Variants in MORC2 observed in about 807,000 individuals in gnomAD.
MORC2 encodes ATPase MORC2.
MORC2 carries 30 observed loss-of-function variants against 136.0 expected under a neutral mutation model. The ratio of observed to expected loss-of-function variants is 0.22; its 90% CI spans 0.17 to 0.30. The LOEUF (loss-of-function observed/expected upper bound fraction) is 0.30, where lower values mean the gene tolerates loss of function less well. Ranked by LOEUF, MORC2 falls within the 10% of genes least tolerant of loss-of-function variation. MORC2 has a pLI of 1.00. For missense variants in MORC2, 922 were observed against 1,333.1 expected, an observed-to-expected ratio of 0.69 and a Z score of 4.80; for synonymous variants, 439 against 487.0, an observed-to-expected ratio of 0.90 and a Z score of 1.30.
intron 17 of MORC2, 75 bp from the exon 18 acceptor site, chr22:30,935,397 G>C (rs1249019192): frequency 7.0e-7 from 1 of 1,429,188 alleles, no homozygotes; most frequent in Non-Finnish European, 9.7e-7. Context: ...ATAGTGTCTG[G>C]AACCAGGGAC....
intron 3 of MORC2, among the ~76,000 whole-genome samples, chr22:30,954,522 CT>C (rs1317577211): frequency 6.6e-6 from 1 of 152,138 alleles, no homozygotes; most frequent in African/African-American, 2.4e-5. Flanking sequence ...CATTAATTGT[CT>C]CTCCAATTAA....
Position 30,950,435 on chromosome 22 carries a change from C to T in MORC2, c.168G>A (p.Glu56=). The change falls in exon 4 of 26, where the codon GAG becomes GAA. Residue 56 remains glutamate, a synonymous_variant. Coordinates refer to ENST00000397641, the MANE Select transcript of MORC2 (RefSeq NM_001303256.3). Reference sequence around the variant, plus strand: ...AAAGCATAAATCCTCCTCGAAGGTCCTCTCGTCTTTCTGTAAAAGAAGCAG... The same window carrying T: ...AAAGCATAAATCCTCCTCGAAGGTCTTCTCGTCTTTCTGTAAAAGAAGCAG... ...TRIDIYAERR[E]DLRGGFMLCF... The T allele has an allele frequency of 6.2e-7, 1 of 1,608,776 alleles. No homozygotes were observed. The highest frequency in any genetic ancestry group is 8.5e-7 in the Non-Finnish European group (1 of 1,178,008).
chr22:30,962,954 G>A (rs962735775), intron 1 of MORC2, among the ~76,000 whole-genome samples: 3 of 151,978 alleles, frequency 2.0e-5, no homozygotes, highest in African/African-American at 7.3e-5. Flanking sequence ...TAGCATTTGG[G>A]ATAGAGTAAA....
In MORC2 at chr22:30,968,204, T is replaced by C; in HGVS notation, c.-315A>G. 1 of 288,928 alleles carries C rather than the reference T, an allele frequency of 3.5e-6. No individual in the cohort carries two copies. The highest frequency in any genetic ancestry group is 6.7e-6 in the Non-Finnish European group (1 of 149,892). The allele number at this position is 288,928 out of a possible 1,614,324, so 17.9% of individuals were successfully genotyped here. A position where few individuals can be genotyped will look rare whatever the true frequency, so the allele number is the denominator to read the frequency against. On this transcript the variant is annotated 5_prime_UTR_variant, in exon 1 of 26. Coordinates refer to ENST00000397641, the MANE Select transcript of MORC2 (RefSeq NM_001303256.3). ...CAATTCAGACAATCTGAGTCTCGTGTGGATGGTCCTGAAGGAGATGGTCCT... is the reference window on the plus strand; with the variant it reads ...CAATTCAGACAATCTGAGTCTCGTGCGGATGGTCCTGAAGGAGATGGTCCT...
At chr22:30,933,064 C>G in intron 21 of MORC2, 34 bp from the exon 22 acceptor site, 5 of 1,611,644 alleles carry the variant, frequency 3.1e-6, no homozygotes, top group Non-Finnish European at 4.2e-6. Context: ...AGTCAGAAAA[C>G]TAGCGTAGAG....
At chr22:30,961,338 G>A (rs1186951358) in intron 1 of MORC2, among the ~76,000 whole-genome samples, 3 of 152,170 alleles carry the variant, frequency 2.0e-5, no homozygotes, top group Non-Finnish European at 4.4e-5. Flanking sequence ...TAACTAGGGA[G>A]AAATAAGCTT....
chr22:30,950,655 C>T (rs1489002151), intron 3 of MORC2, among the ~76,000 whole-genome samples: 1 of 152,184 alleles, frequency 6.6e-6, no homozygotes, highest in Non-Finnish European at 1.5e-5. Context: ...CATGACAAAG[C>T]TTGGGAGAAC....
chr22:30,962,389 C>G (rs2041060189), intron 1 of MORC2, among the ~76,000 whole-genome samples: 1 of 151,678 alleles, frequency 6.6e-6, no homozygotes, highest in South Asian at 2.1e-4. Context: ...ACGGCAAAAC[C>G]CCCATCTCTA....
At chr22:30,943,125 A>G (rs953759331) in intron 6 of MORC2, among the ~76,000 whole-genome samples, 4 of 152,228 alleles carry the variant, frequency 2.6e-5, no homozygotes, top group Non-Finnish European at 5.9e-5. Flanking sequence ...ATCAACATGG[A>G]TGAACAACAT....
At chr22:30,962,474 A>G (rs1246961684) in intron 1 of MORC2, among the ~76,000 whole-genome samples, 1 of 151,832 alleles carries the variant, frequency 6.6e-6, no homozygotes, top group Non-Finnish European at 1.5e-5. Flanking sequence ...GTACACCTGT[A>G]GTTCCAGCTA....
In MORC2 at chr22:30,941,175, A is replaced by G. The variant is rs903204576; in HGVS notation, c.824+258T>C. Reference sequence around the variant, plus strand: ...TAAAGCCAAGAGACTCAGACAGCTCACTGAGCCAGGCAGGGCACCCTCCCT... The same window carrying G: ...TAAAGCCAAGAGACTCAGACAGCTCGCTGAGCCAGGCAGGGCACCCTCCCT... On this transcript the variant is annotated intron_variant, in intron 9 of 25. Transcript: ENST00000397641. The surrounding 1 kb of genome is among the most constrained non-coding windows in gnomAD (Gnocchi z 4.6). Among the ~76,000 whole-genome samples, 4 of 152,130 alleles carry G rather than the reference A, an allele frequency of 2.6e-5. No homozygotes were observed. The highest frequency in any genetic ancestry group is 4.4e-5 in the Non-Finnish European group (3 of 68,018).
chr22:30,954,478 A>C (rs1445840592), intron 3 of MORC2, among the ~76,000 whole-genome samples: 1 of 152,130 alleles, frequency 6.6e-6, no homozygotes, highest in East Asian at 1.9e-4. Context: ...TGTTCCCTCA[A>C]GATCTAGTTA....
At chr22:30,967,752 G>A (rs2041150694) in intron 1 of MORC2, 70 bp downstream of exon 1, 2 of 1,543,194 alleles carry the variant, frequency 1.3e-6, no homozygotes, top group Non-Finnish European at 8.8e-7. Context: ...AATTTTCTGG[G>A]GAAACGATTT....
chr22:30,956,847 C>T, intron 2 of MORC2, 50 bp from the exon 3 acceptor site: 1 of 1,369,150 alleles, frequency 7.3e-7, no homozygotes, highest in South Asian at 1.3e-5. Flanking sequence ...AAATATCAAC[C>T]ATCAAAATGC....
At position 30,934,008 on chromosome 22, in the gene MORC2, G is replaced by T. The variant is rs1348525840; in HGVS notation, c.2325+52C>A. The T allele has an allele frequency of 1.2e-5, 20 of 1,608,554 alleles. No homozygotes were observed. Among genetic ancestry groups the T allele is most frequent in the Non-Finnish European group, 1.6e-5 (19 of 1,176,894 alleles). On this transcript the variant is annotated intron_variant, in intron 20 of 25. Coordinates refer to ENST00000397641, the MANE Select transcript of MORC2 (RefSeq NM_001303256.3). This position sits in a 1 kb window ranked among gnomAD's most constrained non-coding sequence, Gnocchi z 4.4. ...ATGGGGGGTGCAGACTGCTGGTGGG[G>T]GCTGCAGGCCCTAGAGAGAGAGGCT... is the stretch of plus-strand genomic sequence containing the variant.
At chr22:30,936,712 C>T (rs1280740392) in intron 16 of MORC2, 69 bp from the exon 17 acceptor site, 193 of 1,579,268 alleles carry the variant, frequency 1.2e-4, no homozygotes, top group Non-Finnish European at 1.6e-4. Context: ...CCTTTCTCTT[C>T]AGCCAGTCTA....
At chr22:30,960,277 A>C (rs1394155546) in intron 1 of MORC2, among the ~76,000 whole-genome samples, 1 of 152,016 alleles carries the variant, frequency 6.6e-6, no homozygotes, top group Non-Finnish European at 1.5e-5. Context: ...TACAAATGCA[A>C]ATTTTGAATT....
Position 30,937,654 on chromosome 22 carries a change from T to C in MORC2, c.1427A>G (p.Asn476Ser), listed in dbSNP as rs772885530. The C allele has an allele frequency of 1.2e-6, 2 of 1,614,010 alleles. No homozygotes were observed. Among genetic ancestry groups the C allele is most frequent in the Admixed American group, 3.3e-5 (2 of 60,022 alleles). ...ACGCAGCTCACTGGATGGGGGCTGG[T>C]TCCAGTTGGCAGAGAGGTAGCCAAA... ...DEFGYLSANW[N>S]QPPSSELRYK... Residue 476 changes from asparagine to serine, a missense_variant, in exon 15 of 26, where the codon AAC (asparagine) becomes AGC (serine). By Grantham distance (46) the Asn-to-Ser change is conservative. Around this residue, in one of 9 missense-constraint regions of MORC2, gnomAD observed 119 missense variants for 202.7 expected, o/e 0.59. Coordinates refer to ENST00000397641, the MANE Select transcript of MORC2 (RefSeq NM_001303256.3). This position sits in a 1 kb window ranked among gnomAD's most constrained non-coding sequence, Gnocchi z 4.7.
chr22:30,934,195 G>A lies in MORC2; in HGVS notation c.2194-4C>T. The A allele has an allele frequency of 6.2e-7, 1 of 1,614,090 alleles. No homozygotes were observed. Among genetic ancestry groups the A allele is most frequent in the Non-Finnish European group, 8.5e-7 (1 of 1,180,000 alleles). ...TCCGCTTCCGACTAGGGGTAGCCTA[G>A]AGCAAGAGGAGCGTGAGGATGTGAG... is the stretch of plus-strand genomic sequence containing the variant. On this transcript the variant is annotated splice_polypyrimidine_tract_variant and splice_region_variant and intron_variant, in intron 19 of 25. Coordinates refer to ENST00000397641, the MANE Select transcript of MORC2 (RefSeq NM_001303256.3). This position sits in a 1 kb window ranked among gnomAD's most constrained non-coding sequence, Gnocchi z 4.4.
Sources: gnomAD v4.1 joint callset for allele counts (sites outside exome capture counted in the v4.1 genomes callset) on GRCh38, gnomAD v4.1.1 for gene constraint, gnomAD v4.1.1 regional missense constraint, Gnocchi (gnomAD v3.1) non-coding constraint, MANE v1.5 for transcripts, NCBI Gene and HGNC (gene_info 2026-07-23, HGNC 2026-07-21) for gene names.